Variants in CACNB2 observed in about 807,000 individuals in gnomAD.
CACNB2 encodes the protein voltage-dependent L-type calcium channel subunit beta-2.
In CACNB2, 42 loss-of-function variants were observed where a neutral mutation model predicts 73.3. The observed-to-expected ratio is 0.57, with a 90% CI of 0.45 to 0.74. The LOEUF (loss-of-function observed/expected upper bound fraction) is 0.74. Ranked by LOEUF, CACNB2 falls within the 30% of genes least tolerant of loss-of-function variation. The pLI is 0.00. For synonymous variants in CACNB2, 348 were observed against 310.3 expected (o/e 1.12, Z -1.28); for missense variants, 940 against 853.0 (o/e 1.10, Z -1.27).
At chr10:18,521,431 A>C (rs1400091054) in intron 9 of CACNB2, among the ~76,000 whole-genome samples, 1 of 152,130 alleles carries the variant, frequency 6.6e-6, no homozygotes, top group Admixed American at 6.6e-5. Flanking sequence ...CTTAAAGGAC[A>C]TGGGCAAGGA....
intron 3 of CACNB2, among the ~76,000 whole-genome samples, chr10:18,492,781 C>T (rs1198304743): frequency 6.6e-6 from 1 of 152,082 alleles, no homozygotes; most frequent in Non-Finnish European, 1.5e-5. Flanking sequence ...GTGCATGTGG[C>T]AGATATTAAA....
intron 2 of CACNB2, among the ~76,000 whole-genome samples, chr10:18,151,440 G>C (rs932439767): frequency 3.9e-5 from 6 of 152,116 alleles, no homozygotes; most frequent in African/African-American, 1.4e-4. Flanking sequence ...AGGTTAAACA[G>C]AACATGCAGT....
At chr10:18,412,223 A>T (rs2044673840) in intron 3 of CACNB2, among the ~76,000 whole-genome samples, 4 of 152,232 alleles carry the variant, frequency 2.6e-5, no homozygotes, top group Admixed American at 2.0e-4. Context: ...CCCATTGGCC[A>T]AAGCAAGTCA....
At chr10:18,455,172 A>G (rs1733332064) in intron 3 of CACNB2, among the ~76,000 whole-genome samples, 1 of 152,198 alleles carries the variant, frequency 6.6e-6, no homozygotes, top group Non-Finnish European at 1.5e-5. Flanking sequence ...CATCAGAGGA[A>G]CTTATATTTT....
chr10:18,464,318 G>A (rs1001986058), intron 3 of CACNB2, among the ~76,000 whole-genome samples: 14 of 149,492 alleles, frequency 9.4e-5, no homozygotes, highest in African/African-American at 3.4e-4. Context: ...GGCTGACATG[G>A]GAGGATCACC....
At position 18,421,284 on chromosome 10, in the gene CACNB2, GT is replaced by G. The variant is rs560100095; in HGVS notation, c.333+19249del. ...TGTTCATTGTAATATTACCAGTGTG[GT>G]TTTTTTTGTTTTTTTGTTTTTTTTT... On this transcript the variant is annotated intron_variant, in intron 3 of 13. Transcript: ENST00000324631. 2.2e-3 allele frequency among the ~76,000 whole-genome samples: 328 copies of G among 149,590 alleles called. 1 individual carries two copies. Among genetic ancestry groups the G allele is most frequent in the African/African-American group, 7.3e-3 (296 of 40,786 alleles).
intron 3 of CACNB2, among the ~76,000 whole-genome samples, chr10:18,418,605 A>G (rs1225959638): frequency 1.3e-5 from 2 of 152,226 alleles, no homozygotes; most frequent in African/African-American, 2.4e-5. Context: ...CCGTACTTCA[A>G]CCACTCACAG....
At chr10:18,533,635 G>A (rs781441160) in intron 10 of CACNB2, among the ~76,000 whole-genome samples, 3 of 152,024 alleles carry the variant, frequency 2.0e-5, no homozygotes, top group African/African-American at 4.8e-5. Flanking sequence ...ACATCTAGAC[G>A]GCATACAGGT....
chr10:18,495,545 CTG>C (rs59858946), intron 3 of CACNB2, among the ~76,000 whole-genome samples: 23,024 of 124,256 alleles, frequency 0.19, 2,120 homozygotes, highest in Admixed American at 0.24. Context: ...AGTATAAAAA[CTG>C]TGTGTGTGTG....
chr10:18,520,881 G>T (rs916550379), intron 9 of CACNB2, among the ~76,000 whole-genome samples: 1 of 151,968 alleles, frequency 6.6e-6, no homozygotes, highest in Non-Finnish European at 1.5e-5. Context: ...CATTTGTTCT[G>T]TGTCTCTCCT....
At chr10:18,395,280 A>G (rs911565445) in intron 2 of CACNB2, among the ~76,000 whole-genome samples, 2 of 152,148 alleles carry the variant, frequency 1.3e-5, no homozygotes, top group Non-Finnish European at 2.9e-5. Context: ...CCTCTTCTCA[A>G]TGCGTTGCAG....
intron 3 of CACNB2, among the ~76,000 whole-genome samples, chr10:18,450,529 C>T (rs940375519): frequency 6.6e-6 from 1 of 152,066 alleles, no homozygotes; most frequent in African/African-American, 2.4e-5. Flanking sequence ...ACTGGGTGTT[C>T]CTTCTCACTG....
intron 2 of CACNB2, among the ~76,000 whole-genome samples, chr10:18,151,842 C>G (rs1020987146): frequency 1.3e-5 from 2 of 152,174 alleles, no homozygotes; most frequent in African/African-American, 2.4e-5. Flanking sequence ...ACAGCTCACT[C>G]TACGGAACAG....
At chr10:18,400,992 C>T (rs1193194154) in intron 2 of CACNB2, 1 of 1,613,526 alleles carries the variant, frequency 6.2e-7, no homozygotes, top group Admixed American at 1.7e-5. Context: ...AACCTGTGCC[C>T]GGGGCTGCAG....
intron 2 of CACNB2, among the ~76,000 whole-genome samples, chr10:18,212,649 G>A (rs938876431): frequency 9.9e-5 from 15 of 151,938 alleles, no homozygotes; most frequent in African/African-American, 3.4e-4. Context: ...CTAATTTTAA[G>A]TTTTCTATTT....
intron 3 of CACNB2, among the ~76,000 whole-genome samples, chr10:18,458,765 T>G (rs1018613527): frequency 1.3e-4 from 19 of 143,498 alleles, no homozygotes; most frequent in South Asian, 1.1e-3. Context: ...AAGGTGAACT[T>G]TTTTTTTTTT....
At chr10:18,500,718 C>A in intron 4 of CACNB2, 94 bp from the exon 5 acceptor site, 2 of 1,249,488 alleles carry the variant, frequency 1.6e-6, no homozygotes, top group South Asian at 1.2e-5. Flanking sequence ...AGTTAATGGT[C>A]ATTGCCATAT....
chr10:18,357,755 T>C (rs925189092), intron 2 of CACNB2, among the ~76,000 whole-genome samples: 1 of 152,214 alleles, frequency 6.6e-6, no homozygotes, highest in Non-Finnish European at 1.5e-5. Flanking sequence ...ACATCCATCT[T>C]ATAATCACAT....
In CACNB2 at chr10:18,536,106, A is replaced by C. The variant is rs543261732; in HGVS notation, c.1212A>C (p.Leu404Phe). ...AAACTCATTATCTTTTACAGGTTTT[A>C]CAAAGGTTAATAAAATCTCGAGGGA... ...VYVKISSPKVLQRLIKSRGKS... is the reference protein window; with the variant it reads ...VYVKISSPKVFQRLIKSRGKS... Residue 404 changes from leucine (L) to phenylalanine (F), a missense_variant, in exon 12 of 14, where the codon TTA (leucine) becomes TTC (phenylalanine). Leu to Phe is a conservative substitution (Grantham distance 22, BLOSUM62 0). Transcript: ENST00000324631. The C allele has an allele frequency of 1.9e-6, 3 of 1,594,548 alleles. No homozygotes were observed. Among genetic ancestry groups the C allele is most frequent in the Admixed American group, 3.3e-5 (2 of 59,980 alleles).
Sources: gnomAD v4.1 joint callset for allele counts (sites outside exome capture counted in the v4.1 genomes callset) on GRCh38, gnomAD v4.1.1 for gene constraint, MANE v1.5 for transcripts, NCBI Gene and HGNC (gene_info 2026-07-23, HGNC 2026-07-21) for gene names.